Variants in IL1RAPL1 observed in about 807,000 individuals in gnomAD.
IL1RAPL1 encodes interleukin 1 receptor accessory protein like 1.
A neutral mutation model predicts 48.4 loss-of-function variants in IL1RAPL1; 3 were observed. The ratio of observed to expected loss-of-function variants is 0.06; its 90% CI spans 0.03 to 0.16. IL1RAPL1 has a LOEUF of 0.16. Among genes scored for constraint, IL1RAPL1 ranks in the 10% least tolerant of loss-of-function variants. The pLI is 1.00. For synonymous variants in IL1RAPL1, 185 were observed against 187.7 expected (o/e 0.99, Z 0.12); for missense variants, 349 against 530.6 (o/e 0.66, Z 3.36).
chrX:29,882,015 C>T (rs1340872184), intron 6 of IL1RAPL1, among the ~76,000 whole-genome samples: 1 of 111,208 alleles, frequency 9.0e-6, no homozygotes, highest in East Asian at 2.8e-4. Flanking sequence ...ACTGATATAT[C>T]AAATGTATGT....
chrX:28,824,864 A>G (rs1936975711), intron 2 of IL1RAPL1, among the ~76,000 whole-genome samples: 2 of 111,534 alleles, frequency 1.8e-5, no homozygotes, highest in South Asian at 3.7e-4. Context: ...AAACCCTATT[A>G]TAGTTATGTT....
rs779415245 is a variant in IL1RAPL1, at chrX:29,131,176, G to T, written c.83-151762G>T. Among the ~76,000 whole-genome samples the T allele has an allele frequency of 1.1e-4, 12 of 111,428 alleles. No homozygotes were observed. The East Asian group carries it at 2.8e-3, about 26-fold the overall frequency. On this transcript the variant is annotated intron_variant, in intron 2 of 10. Coordinates refer to ENST00000378993, the MANE Select transcript of IL1RAPL1 (RefSeq NM_014271.4). Reference sequence around the variant, plus strand: ...GCTCTTGCCATTTGTCATAGTAACAGAAAAACATGTGCAGTTTTCCATTTT... The same window carrying T: ...GCTCTTGCCATTTGTCATAGTAACATAAAAACATGTGCAGTTTTCCATTTT...
intron 2 of IL1RAPL1, among the ~76,000 whole-genome samples, chrX:29,217,235 G>T (rs922288040): frequency 3.6e-5 from 4 of 112,245 alleles, no homozygotes; most frequent in Non-Finnish European, 7.5e-5. Context: ...TAAAATGCTA[G>T]TCTAGACCAA....
chrX:29,121,296 A>G (rs225041), intron 2 of IL1RAPL1, among the ~76,000 whole-genome samples: 41,601 of 110,991 alleles, frequency 0.37, 6,826 homozygotes, highest in Non-Finnish European at 0.52. Context: ...ATTTATGACA[A>G]GGTTACATCT....
chrX:29,777,216 C>G (rs1418215494), intron 6 of IL1RAPL1, among the ~76,000 whole-genome samples: 1 of 112,227 alleles, frequency 8.9e-6, no homozygotes, highest in Non-Finnish European at 1.9e-5. Flanking sequence ...TCCTTTTGGA[C>G]TTTTCAGCCA....
At chrX:29,738,797 G>A (rs1161038663) in intron 6 of IL1RAPL1, among the ~76,000 whole-genome samples, 1 of 111,823 alleles carries the variant, frequency 8.9e-6, no homozygotes, top group Non-Finnish European at 1.9e-5. Context: ...CGCAGAATCC[G>A]GGGAATTTGA....
At chrX:28,798,203 A>G (rs1436582202) in intron 2 of IL1RAPL1, among the ~76,000 whole-genome samples, 1 of 111,468 alleles carries the variant, frequency 9.0e-6, no homozygotes, top group Non-Finnish European at 1.9e-5. Context: ...TTGTAGAGAT[A>G]GCATACAGGC....
At chrX:29,648,623 A>C (rs1925419194) in intron 5 of IL1RAPL1, among the ~76,000 whole-genome samples, 1 of 112,137 alleles carries the variant, frequency 8.9e-6, no homozygotes, top group South Asian at 3.6e-4. Context: ...AAAAGCTATG[A>C]GATATAGCAA....
At chrX:29,258,356 A>T (rs1392754572) in intron 2 of IL1RAPL1, among the ~76,000 whole-genome samples, 3 of 111,635 alleles carry the variant, frequency 2.7e-5, no homozygotes, top group Non-Finnish European at 5.7e-5. Flanking sequence ...CGTCACAAAA[A>T]AACAAGGTTA....
chrX:28,672,267 C>T (rs1249761462), intron 1 of IL1RAPL1, among the ~76,000 whole-genome samples: 2 of 111,080 alleles, frequency 1.8e-5, no homozygotes, highest in African/African-American at 6.5e-5. Flanking sequence ...GACTGCTAAA[C>T]ATGATAAATT....
chrX:29,862,689 C>G (rs912399256), intron 6 of IL1RAPL1, among the ~76,000 whole-genome samples: 6 of 110,562 alleles, frequency 5.4e-5, no homozygotes, highest in Admixed American at 1.9e-4. Context: ...AGCATCTTTG[C>G]ATCTTATTGG....
chrX:28,660,043 T>G (rs1400636560), intron 1 of IL1RAPL1, among the ~76,000 whole-genome samples: 10 of 108,398 alleles, frequency 9.2e-5, no homozygotes, highest in African/African-American at 3.4e-4. Flanking sequence ...ACTTCACTTG[T>G]GATAAACCGC....
intron 2 of IL1RAPL1, among the ~76,000 whole-genome samples, chrX:29,262,602 G>T: frequency 9.1e-6 from 1 of 109,313 alleles, no homozygotes; most frequent in Non-Finnish European, 1.9e-5. Flanking sequence ...GACGGAGGTT[G>T]CAGTGAGCTG....
intron 2 of IL1RAPL1, among the ~76,000 whole-genome samples, chrX:29,059,455 A>G (rs1258272041): frequency 8.9e-6 from 1 of 112,228 alleles, no homozygotes; most frequent in Non-Finnish European, 1.9e-5. Context: ...ATTTACACCT[A>G]AAACTATAGT....
At chrX:29,204,011 T>C (rs190214762) in intron 2 of IL1RAPL1, among the ~76,000 whole-genome samples, 2 of 110,208 alleles carry the variant, frequency 1.8e-5, no homozygotes, top group Non-Finnish European at 3.8e-5. Context: ...CAAATATCCA[T>C]GTTGATGCAA....
At chrX:28,996,505 T>A (rs2147385128) in intron 2 of IL1RAPL1, among the ~76,000 whole-genome samples, 1 of 111,420 alleles carries the variant, frequency 9.0e-6, no homozygotes, top group African/African-American at 3.3e-5. Flanking sequence ...ATTCTATGTT[T>A]AATCTTTTGA....
chrX:29,630,434 T>C (rs956554846), intron 5 of IL1RAPL1, among the ~76,000 whole-genome samples: 2 of 112,067 alleles, frequency 1.8e-5, no homozygotes, highest in African/African-American at 6.5e-5. Context: ...GCTGTAGATA[T>C]CTAAATTCAA....
At chrX:29,802,747 T>TTATATA (rs1210417673) in intron 6 of IL1RAPL1, among the ~76,000 whole-genome samples, 586 of 36,153 alleles carry the variant, frequency 0.016, 9 homozygotes, top group Admixed American at 0.045. Flanking sequence ...GAGGAAAAAA[T>TTATATA]TATATATATA....
At chrX:29,162,830 T>C (rs1225627120) in intron 2 of IL1RAPL1, among the ~76,000 whole-genome samples, 1 of 110,462 alleles carries the variant, frequency 9.1e-6, no homozygotes, top group Non-Finnish European at 1.9e-5. Flanking sequence ...TCCCAGCACT[T>C]TGGGAGGCCA....
Sources: allele counts gnomAD v4.1 joint callset (sites outside exome capture counted in the v4.1 genomes callset), GRCh38; gene constraint gnomAD v4.1.1; transcripts MANE v1.5; gene names NCBI Gene and HGNC (gene_info 2026-07-23, HGNC 2026-07-21).